ITGA1: variants seen among roughly 807,000 people sequenced by gnomAD.
ITGA1 encodes integrin subunit alpha 1.
ITGA1 carries 85 observed loss-of-function variants against 145.9 expected under a neutral mutation model. That is an observed-to-expected ratio of 0.58 (90% CI 0.49 to 0.70). The LOEUF is 0.70. Among genes scored for constraint, ITGA1 ranks in the 30% least tolerant of loss-of-function variants. The pLI, the probability that ITGA1 is intolerant of heterozygous loss-of-function variation, is 0.00. For synonymous variants in ITGA1, 520 were observed against 495.3 expected, an observed-to-expected ratio of 1.05 and a Z score of -0.66; for missense variants, 1,351 against 1,418.7, an observed-to-expected ratio of 0.95 and a Z score of 0.77.
intron 13 of ITGA1, among the ~76,000 whole-genome samples, chr5:52,909,777 T>C (rs1169480626): frequency 2.0e-5 from 3 of 151,892 alleles, no homozygotes; most frequent in Non-Finnish European, 2.9e-5. Flanking sequence ...GGTTTTTTTT[T>C]TTTTTCCTTC....
chr5:52,923,184 C>T (rs947919517), intron 18 of ITGA1, among the ~76,000 whole-genome samples: 1 of 152,170 alleles, frequency 6.6e-6, no homozygotes, highest in East Asian at 1.9e-4. Context: ...ACAAGTACAG[C>T]TCATAAACAT....
Position 52,866,000 on chromosome 5 carries a change from TTTTTTTC to T in ITGA1, c.624+203_624+209del, listed in dbSNP as rs59543015. ...TTACTTTAAGCTGTGTTATTTTCTA[TTTTTTTC>T]TTTTTTCTTTTTTCTTTTTCTTTTT... On this transcript the variant is annotated intron_variant, in intron 6 of 28. Transcript: ENST00000282588. Among the ~76,000 whole-genome samples, 175 of 150,470 alleles carry T rather than the reference TTTTTTTC, an allele frequency of 1.2e-3. 1 individual carries two copies. Among genetic ancestry groups the T allele is most frequent in the Admixed American group, 1.5e-3 (23 of 15,164 alleles).
In ITGA1 at chr5:52,909,033, C is replaced by G; in HGVS notation, c.1591C>G (p.Leu531Val). The change falls in exon 13 of 29, where the codon CTC becomes GTC. Residue 531 changes from leucine (L) to valine (V), a missense_variant. By Grantham distance (32) the Leu-to-Val change is conservative. Transcript: ENST00000282588. ...GCAAGGAAAAGTGTATGTGTATGCT[C>G]TCAATCAGGTAATGGTGTCTGAGTT... ...EEQGKVYVYA[L>V]NQTRFEYQMS... 13 of 1,613,394 alleles carry G rather than the reference C, an allele frequency of 8.1e-6. No individual in the cohort carries two copies. The highest frequency in any genetic ancestry group is 1.0e-5 in the Non-Finnish European group (12 of 1,179,686).
intron 1 of ITGA1, among the ~76,000 whole-genome samples, chr5:52,804,850 A>T (rs1402840327): frequency 6.6e-6 from 1 of 152,196 alleles, no homozygotes; most frequent in East Asian, 1.9e-4. Context: ...GAAGTTGAAG[A>T]GTTTCTAAAG....
Position 52,910,198 on chromosome 5 carries a change from A to G in ITGA1, c.1636A>G (p.Lys546Glu). Residue 546 changes from lysine (K) to glutamate (E), a missense_variant, in exon 14 of 29, where the codon AAG (lysine) becomes GAG (glutamate). Physicochemically the swap from Lys to Glu is moderately conservative, Grantham distance 56. Transcript: ENST00000282588. ...FEYQMSLEPI[K>E]QTCCSSRQHN... ...ATATCAAATGAGCCTGGAACCTATT[A>G]AGCAGACGTGCTGTTCATCTCGGCA... is the stretch of plus-strand genomic sequence containing the variant. 6.2e-7 allele frequency: 1 copy of G among 1,613,312 alleles called. No homozygotes were observed. Among genetic ancestry groups the G allele is most frequent in the Non-Finnish European group, 8.5e-7 (1 of 1,179,322 alleles).
chr5:52,814,738 AGGG>A (rs796286791), intron 1 of ITGA1, among the ~76,000 whole-genome samples: 1 of 151,850 alleles, frequency 6.6e-6, no homozygotes, highest in Non-Finnish European at 1.5e-5. Context: ...TTAAAAAAAA[AGGG>A]GGGGAAAGAA....
At chr5:52,810,702 C>T (rs1197092204) in intron 1 of ITGA1, among the ~76,000 whole-genome samples, 1 of 152,210 alleles carries the variant, frequency 6.6e-6, no homozygotes, top group Non-Finnish European at 1.5e-5. Flanking sequence ...GAGAATGAGT[C>T]TGTTATCACC....
intron 6 of ITGA1, among the ~76,000 whole-genome samples, chr5:52,871,122 TAG>T (rs1749769872): frequency 6.6e-6 from 1 of 152,202 alleles, no homozygotes; most frequent in African/African-American, 2.4e-5. Context: ...TGTAAGCCCT[TAG>T]TAGAAGTAGG....
At chr5:52,880,781 T>C (rs1404867460) in intron 6 of ITGA1, among the ~76,000 whole-genome samples, 1 of 152,218 alleles carries the variant, frequency 6.6e-6, no homozygotes, top group African/African-American at 2.4e-5. Context: ...AGACATTCCT[T>C]TGGGCAAATA....
chr5:52,945,347 C>T (rs1751120247), intron 27 of ITGA1, among the ~76,000 whole-genome samples: 1 of 152,064 alleles, frequency 6.6e-6, no homozygotes, highest in African/African-American at 2.4e-5. Context: ...TGTAACTTTC[C>T]TCCTTAAAAG....
In ITGA1 at chr5:52,887,809, C is replaced by T. The variant is rs372200899; in HGVS notation, c.774-6C>T. ...TCAACCTCTCTTTTGTTTGTGATTACTTTAGAAAGGAGGCATTCACGGAAG... is the reference window on the plus strand; with the variant it reads ...TCAACCTCTCTTTTGTTTGTGATTATTTTAGAAAGGAGGCATTCACGGAAG... On this transcript the variant is annotated splice_polypyrimidine_tract_variant and splice_region_variant and intron_variant, in intron 7 of 28. Transcript: ENST00000282588. 5.0e-6 allele frequency: 8 copies of T among 1,609,012 alleles called. No individual in the cohort carries two copies. The highest frequency in any genetic ancestry group is 6.8e-6 in the Non-Finnish European group (8 of 1,177,028).
At chr5:52,890,164 C>T (rs1904163) in intron 8 of ITGA1, among the ~76,000 whole-genome samples, 18,389 of 152,168 alleles carry the variant, frequency 0.12, 1,410 homozygotes, top group East Asian at 0.27. Context: ...TTACCACCTG[C>T]CTTCCTCCAC....
intron 6 of ITGA1, among the ~76,000 whole-genome samples, chr5:52,868,752 C>T (rs573953580): frequency 6.6e-6 from 1 of 152,296 alleles, no homozygotes; most frequent in African/African-American, 2.4e-5. Flanking sequence ...GAATGAAGCA[C>T]CCTGCACAGT....
chr5:52,803,114 A>G (rs934430075), intron 1 of ITGA1: 1 of 152,196 alleles, frequency 6.6e-6, no homozygotes, highest in Non-Finnish European at 1.5e-5. Context: ...GATACTAACT[A>G]AACTTTCGCC....
chr5:52,814,582 C>T (rs1748735499), intron 1 of ITGA1, among the ~76,000 whole-genome samples: 1 of 152,092 alleles, frequency 6.6e-6, no homozygotes, highest in African/African-American at 2.4e-5. Context: ...TTGAGTAATA[C>T]AAAATTATTT....
chr5:52,864,649 AAAG>A, intron 3 of ITGA1, 111 bp from the exon 4 acceptor site: 1 of 656,916 alleles, frequency 1.5e-6, no homozygotes. Flanking sequence ...AGTTGAACCA[AAAG>A]AAGAATGTGC....
intron 1 of ITGA1, among the ~76,000 whole-genome samples, chr5:52,790,872 ACTTTT>A (rs1382172741): frequency 2.6e-5 from 4 of 152,162 alleles, no homozygotes; most frequent in African/African-American, 4.8e-5. Context: ...ATAGCCAATC[ACTTTT>A]CTTTACTTTC....
chr5:52,940,471 C>T (rs781319744), intron 26 of ITGA1, among the ~76,000 whole-genome samples: 14 of 149,910 alleles, frequency 9.3e-5, no homozygotes, highest in African/African-American at 3.0e-4. Context: ...TGCAGTGGCA[C>T]GATCTCAGCT....
At chr5:52,932,282 A>G (rs1750903815) in intron 22 of ITGA1, 146 bp downstream of exon 22, 1 of 583,602 alleles carries the variant, frequency 1.7e-6, no homozygotes, top group Non-Finnish European at 3.0e-6. Flanking sequence ...CTACCAAATC[A>G]GAAACTCGGA....
Sources: gnomAD v4.1 joint callset for allele counts (sites outside exome capture counted in the v4.1 genomes callset) on GRCh38, gnomAD v4.1.1 for gene constraint, MANE v1.5 for transcripts, NCBI Gene and HGNC (gene_info 2026-07-23, HGNC 2026-07-21) for gene names.